MYO3B: variants seen among roughly 807,000 people sequenced by gnomAD.
MYO3B encodes the protein myosin IIIB.
A neutral mutation model predicts 174.6 loss-of-function variants in MYO3B; 156 were observed. The observed-to-expected ratio is 0.89, with a 90% CI of 0.78 to 1.02. The LOEUF is 1.02. MYO3B is among the 50% of genes least tolerant of loss of function. MYO3B has a pLI of 0.00. For missense variants in MYO3B, 1,632 were observed against 1,639.4 expected, an observed-to-expected ratio of 1.00 and a Z score of 0.08; for synonymous variants, 563 against 569.1, an observed-to-expected ratio of 0.99 and a Z score of 0.15.
At chr2:170,624,247 G>A (rs917344167) in intron 32 of MYO3B, among the ~76,000 whole-genome samples, 29 of 152,126 alleles carry the variant, frequency 1.9e-4, no homozygotes, top group Admixed American at 3.3e-4. Flanking sequence ...CTTTTATTTC[G>A]TAGAGCAGTG....
chr2:170,564,773 A>G (rs1691958418), intron 32 of MYO3B, among the ~76,000 whole-genome samples: 1 of 152,126 alleles, frequency 6.6e-6, no homozygotes, highest in African/African-American at 2.4e-5. Context: ...CTACAGCCAC[A>G]CTGTAGAATA....
Position 170,190,298 on chromosome 2 carries a change from C to G in MYO3B, c.3-8910C>G, listed in dbSNP as rs182244000. 3.1e-3 allele frequency among the ~76,000 whole-genome samples: 467 copies of G among 152,260 alleles called. 2 individuals carry two copies. Among genetic ancestry groups the G allele is most frequent in the African/African-American group, 0.01 (430 of 41,556 alleles). On this transcript the variant is annotated intron_variant, in intron 1 of 34. Transcript: ENST00000408978. ...CCATTGAGACTATGTGGAGTCAGAC[C>G]TGAAGCCAGCACAGTACTGGCTCTT...
chr2:170,601,180 C>T (rs745575730), intron 32 of MYO3B, among the ~76,000 whole-genome samples: 2 of 152,070 alleles, frequency 1.3e-5, no homozygotes, highest in South Asian at 2.1e-4. Context: ...GTATTTACTT[C>T]GAAGCATTCA....
intron 3 of MYO3B, among the ~76,000 whole-genome samples, chr2:170,202,894 C>T (rs2092677482): frequency 6.6e-6 from 1 of 152,146 alleles, no homozygotes; most frequent in African/African-American, 2.4e-5. Flanking sequence ...AGAAGCTATT[C>T]CACAGAGCAA....
At position 170,206,190 on chromosome 2, in the gene MYO3B, T is replaced by C. The variant is rs2092712111; in HGVS notation, c.321+5906T>C. Among the ~76,000 whole-genome samples the C allele has an allele frequency of 6.6e-6, 1 of 152,130 alleles. No homozygotes were observed. Among genetic ancestry groups the C allele is most frequent in the South Asian group, 2.1e-4 (1 of 4,822 alleles). On this transcript the variant is annotated intron_variant, in intron 3 of 34. Transcript: ENST00000408978. The surrounding 1 kb of genome is among the most constrained non-coding windows in gnomAD (Gnocchi z 4.3). ...TGCACAAGATGTCCCCATGTTCCTTTTCACAGAATCTTCTTTCCCTTCATG... is the reference window on the plus strand; with the variant it reads ...TGCACAAGATGTCCCCATGTTCCTTCTCACAGAATCTTCTTTCCCTTCATG...
chr2:170,543,102 T>G, intron 31 of MYO3B, 136 bp downstream of exon 31: 1 of 690,222 alleles, frequency 1.4e-6, no homozygotes, highest in Non-Finnish European at 2.4e-6. Flanking sequence ...TTTTGAAGTC[T>G]TTGAGACAAA....
intron 21 of MYO3B, among the ~76,000 whole-genome samples, chr2:170,405,971 A>G (rs138970757): frequency 0.012 from 1,830 of 152,308 alleles, 47 homozygotes; most frequent in African/African-American, 0.041. Context: ...ATTTGGAGAC[A>G]TGTAGGTAAT....
intron 7 of MYO3B, among the ~76,000 whole-genome samples, chr2:170,293,175 T>C (rs920321125): frequency 3.9e-5 from 6 of 152,150 alleles, no homozygotes; most frequent in Non-Finnish European, 7.4e-5. Context: ...ATCTTGGCAC[T>C]GTATATTTGG....
In MYO3B at chr2:170,373,105, G is replaced by A. The variant is rs550263635; in HGVS notation, c.971+3728G>A. Among the ~76,000 whole-genome samples the A allele has an allele frequency of 3.3e-5, 5 of 152,274 alleles. No individual in the cohort carries two copies. In the East Asian group the frequency reaches 9.7e-4, roughly 29 times the overall value. ...ATGAAGCAGGGTAAGGCTGCAGCCA[G>A]GGAACTAGTGAGCAGATCATAGTAA... On this transcript the variant is annotated intron_variant, in intron 9 of 34. Transcript: ENST00000408978.
intron 7 of MYO3B, among the ~76,000 whole-genome samples, chr2:170,281,796 A>T (rs1007372100): frequency 7.9e-5 from 12 of 152,212 alleles, no homozygotes; most frequent in African/African-American, 1.9e-4. Context: ...TTGGTTTTTT[A>T]AAAAAATTAA....
At chr2:170,380,817 C>T (rs764032865) in intron 9 of MYO3B, among the ~76,000 whole-genome samples, 1 of 152,094 alleles carries the variant, frequency 6.6e-6, no homozygotes, top group Non-Finnish European at 1.5e-5. Flanking sequence ...AAATGTTGAT[C>T]AACATAGGAC....
intron 4 of MYO3B, 117 bp downstream of exon 4, chr2:170,214,600 C>T (rs1228247118): frequency 2.3e-6 from 3 of 1,310,154 alleles, no homozygotes; most frequent in East Asian, 2.3e-5. Flanking sequence ...GGATTACTAA[C>T]AGCAGGAAGG....
At chr2:170,285,679 G>T (rs995534460) in intron 7 of MYO3B, among the ~76,000 whole-genome samples, 61 of 152,016 alleles carry the variant, frequency 4.0e-4, no homozygotes, top group African/African-American at 1.5e-3. Context: ...CCTATCTTTT[G>T]ACTTTATGGT....
At chr2:170,543,075 T>A (rs1490596968) in intron 31 of MYO3B, 109 bp downstream of exon 31, 1 of 826,902 alleles carries the variant, frequency 1.2e-6, no homozygotes, top group African/African-American at 1.7e-5. Flanking sequence ...CATCCAAACT[T>A]GAAACTGTTA....
intron 25 of MYO3B, among the ~76,000 whole-genome samples, chr2:170,494,921 C>T (rs1686756958): frequency 6.6e-6 from 1 of 152,022 alleles, no homozygotes; most frequent in Non-Finnish European, 1.5e-5. Flanking sequence ...AGTTAAGAAC[C>T]ACTTATCTGG....
intron 22 of MYO3B, among the ~76,000 whole-genome samples, chr2:170,434,373 G>A (rs536977552): frequency 1.3e-5 from 2 of 152,144 alleles, no homozygotes; most frequent in East Asian, 3.8e-4. Flanking sequence ...GCAAGGCAAG[G>A]TACTTCTGTA....
intron 25 of MYO3B, among the ~76,000 whole-genome samples, chr2:170,493,046 AAGTTAAATC>A (rs1686591727): frequency 6.6e-6 from 1 of 152,238 alleles, no homozygotes; most frequent in South Asian, 2.1e-4. Flanking sequence ...AATACTGTTC[AAGTTAAATC>A]AGTTAAATCG....
intron 25 of MYO3B, among the ~76,000 whole-genome samples, chr2:170,487,981 G>A (rs990610601): frequency 7.2e-5 from 11 of 152,194 alleles, no homozygotes; most frequent in Non-Finnish European, 1.5e-4. Context: ...TGTTCATTGT[G>A]AGAGAACATC....
chr2:170,377,760 T>C (rs970201250), intron 9 of MYO3B, among the ~76,000 whole-genome samples: 1 of 152,164 alleles, frequency 6.6e-6, no homozygotes, highest in Non-Finnish European at 1.5e-5. Context: ...AGAAAAGCAA[T>C]ATAAACTTTA....
Sources: allele counts gnomAD v4.1 joint callset (sites outside exome capture counted in the v4.1 genomes callset), GRCh38; gene constraint gnomAD v4.1.1; non-coding constraint Gnocchi (gnomAD v3.1); transcripts MANE v1.5; gene names NCBI Gene and HGNC (gene_info 2026-07-23, HGNC 2026-07-21).